The following TAX1BP1 variants were observed in gnomAD, a reference collection of about 807,000 sequenced individuals.
The protein encoded by TAX1BP1 is Tax1 binding protein 1.
Under a neutral mutation model 97.7 loss-of-function variants are expected in TAX1BP1, and 62 were observed. The observed-to-expected ratio is 0.63, with a 90% CI of 0.52 to 0.78. The LOEUF (loss-of-function observed/expected upper bound fraction) is 0.78. Ranked by LOEUF, TAX1BP1 falls within the 30% of genes least tolerant of loss-of-function variation. The pLI is 0.00. For synonymous variants in TAX1BP1, 340 were observed against 304.2 expected, an observed-to-expected ratio of 1.12 and a Z score of -1.23; for missense variants, 867 against 916.1, an observed-to-expected ratio of 0.95 and a Z score of 0.69.
intron 5 of TAX1BP1, among the ~76,000 whole-genome samples, chr7:27,770,628 A>T (rs1416416936): frequency 6.6e-6 from 1 of 152,042 alleles, no homozygotes; most frequent in Non-Finnish European, 1.5e-5. Context: ...GCCTCCAGCA[A>T]TTGCTTAATA....
At chr7:27,797,908 A>G (rs1028551964) in intron 12 of TAX1BP1, among the ~76,000 whole-genome samples, 2 of 151,836 alleles carry the variant, frequency 1.3e-5, no homozygotes, top group South Asian at 2.1e-4. Context: ...GCACGTACCT[A>G]GAGTATACAG....
intron 5 of TAX1BP1, chr7:27,772,207 C>T (rs1294073561): frequency 1.3e-5 from 2 of 150,510 alleles, no homozygotes; most frequent in African/African-American, 2.4e-5. Context: ...CCATTTTAAT[C>T]AAGCATGCCT....
chr7:27,776,602 A>G (rs183673726), intron 5 of TAX1BP1, among the ~76,000 whole-genome samples: 1 of 151,840 alleles, frequency 6.6e-6, no homozygotes, highest in East Asian at 1.9e-4. Flanking sequence ...GTGGTTGATT[A>G]TGTTGTGTCC....
intron 1 of TAX1BP1, among the ~76,000 whole-genome samples, chr7:27,742,862 A>C (rs1417563141): frequency 6.6e-6 from 1 of 152,220 alleles, no homozygotes; most frequent in Non-Finnish European, 1.5e-5. Flanking sequence ...ACAAAAGTAA[A>C]ATTTTGGAAT....
chr7:27,809,287 C>T (rs1790461887), intron 13 of TAX1BP1, among the ~76,000 whole-genome samples: 1 of 152,186 alleles, frequency 6.6e-6, no homozygotes, highest in Non-Finnish European at 1.5e-5. Context: ...ATGGCTACAA[C>T]AAATGTAATA....
chr7:27,806,966 G>T (rs1790363209), intron 13 of TAX1BP1, among the ~76,000 whole-genome samples: 1 of 152,090 alleles, frequency 6.6e-6, no homozygotes, highest in Admixed American at 6.5e-5. Context: ...GGGTGTGGAA[G>T]AATTCTTTTT....
intron 8 of TAX1BP1, among the ~76,000 whole-genome samples, chr7:27,791,124 C>T (rs766876623): frequency 1.8e-4 from 27 of 151,874 alleles, no homozygotes; most frequent in Non-Finnish European, 1.8e-4. Context: ...TAGAAGTTGG[C>T]GATCTTTTTA....
chr7:27,748,997 T>C (rs766270534), intron 2 of TAX1BP1, among the ~76,000 whole-genome samples: 1 of 152,210 alleles, frequency 6.6e-6, no homozygotes, highest in South Asian at 2.1e-4. Context: ...TGGGTTCTTA[T>C]ATTATTTACC....
intron 14 of TAX1BP1, 125 bp downstream of exon 14, chr7:27,816,645 A>G: frequency 1.0e-6 from 1 of 974,286 alleles, no homozygotes. Context: ...TATTTGTATA[A>G]TTAGCAGTTT....
In TAX1BP1 at chr7:27,794,330, A is replaced by G. The variant is rs867015842; in HGVS notation, c.1418A>G (p.Asn473Ser). Residue 473 changes from asparagine to serine, a missense_variant, in exon 11 of 17, where the codon AAT (asparagine) becomes AGT (serine). Asn to Ser is a conservative substitution (Grantham distance 46). This residue lies in a region of TAX1BP1 where 822 missense variants were observed against 851.4 expected (regional missense o/e 0.97). Coordinates refer to ENST00000396319, the MANE Select transcript of TAX1BP1 (RefSeq NM_006024.7). ...TATTAACATTTTGAATAGGCTAATA[A>G]TAATAATGTCTTCACAAAGAAAACG... ...INKLSDQSAN[N>S]NNVFTKKTGN... 3 of 1,611,048 alleles carry G rather than the reference A, an allele frequency of 1.9e-6. No individual in the cohort carries two copies. The African/African-American group carries it at 4.0e-5, about 22-fold the overall frequency.
intron 5 of TAX1BP1, among the ~76,000 whole-genome samples, chr7:27,775,185 T>C (rs754161196): frequency 1.3e-5 from 2 of 152,160 alleles, no homozygotes; most frequent in Non-Finnish European, 2.9e-5. Flanking sequence ...AACTAAGACA[T>C]ACCGTTGATT....
At chr7:27,766,708 G>A (rs1288081346) in intron 4 of TAX1BP1, among the ~76,000 whole-genome samples, 1 of 152,108 alleles carries the variant, frequency 6.6e-6, no homozygotes. Context: ...ATTGTAGAAT[G>A]TTACCGATTT....
chr7:27,820,603 A>G (rs1004522029), intron 15 of TAX1BP1, among the ~76,000 whole-genome samples: 1 of 152,196 alleles, frequency 6.6e-6, no homozygotes, highest in African/African-American at 2.4e-5. Context: ...AAGACAATTC[A>G]AGAGGAAAAG....
chr7:27,793,044 T>C, intron 9 of TAX1BP1, 22 bp from the exon 10 acceptor site: 1 of 1,570,436 alleles, frequency 6.4e-7, no homozygotes. Flanking sequence ...ATTTTTTTCT[T>C]CAAATGTTTG....
intron 1 of TAX1BP1, among the ~76,000 whole-genome samples, chr7:27,742,036 G>A (rs1056476335): frequency 6.6e-6 from 1 of 152,222 alleles, no homozygotes; most frequent in African/African-American, 2.4e-5. Context: ...CCCACCTCCA[G>A]CCCTAAGGCG....
chr7:27,799,930 TA>T (rs760451192), intron 12 of TAX1BP1, 34 bp from the exon 13 acceptor site: 8 of 1,536,648 alleles, frequency 5.2e-6, no homozygotes, highest in Non-Finnish European at 7.1e-6. Flanking sequence ...TACATGAATT[TA>T]AAATCTTTTG....
chr7:27,742,665 T>G (rs942145759), intron 1 of TAX1BP1, among the ~76,000 whole-genome samples: 1 of 152,150 alleles, frequency 6.6e-6, no homozygotes, highest in Admixed American at 6.5e-5. Context: ...ACGAGGTTTC[T>G]CCATGTTGGT....
chr7:27,795,665 G>A (rs748738908), intron 11 of TAX1BP1, among the ~76,000 whole-genome samples: 10 of 152,090 alleles, frequency 6.6e-5, no homozygotes, highest in Non-Finnish European at 1.0e-4. Context: ...CAATTCTCCT[G>A]CCTCAGCCTC....
intron 12 of TAX1BP1, among the ~76,000 whole-genome samples, chr7:27,797,963 T>G (rs1789998780): frequency 6.6e-6 from 1 of 152,026 alleles, no homozygotes; most frequent in South Asian, 2.1e-4. Flanking sequence ...ATCACCACAG[T>G]GCCATCACTC....
Sources: allele counts gnomAD v4.1 joint callset (sites outside exome capture counted in the v4.1 genomes callset), GRCh38; gene constraint gnomAD v4.1.1; regional missense constraint gnomAD v4.1.1; transcripts MANE v1.5; gene names NCBI Gene and HGNC (gene_info 2026-07-23, HGNC 2026-07-21).